Variants in CCDC171 observed in about 807,000 individuals in gnomAD.
The protein encoded by CCDC171 is coiled-coil domain containing 171, also known as coiled-coil domain-containing protein 171.
Under a neutral mutation model 168.2 loss-of-function variants are expected in CCDC171, and 177 were observed. The observed-to-expected ratio is 1.05, with a 90% confidence interval of 0.93 to 1.19. The LOEUF is 1.19. Among genes scored for constraint, CCDC171 ranks in the 50% most tolerant of loss-of-function variants. The pLI is 0.00. For synonymous variants in CCDC171, 687 were observed against 540.8 expected, an observed-to-expected ratio of 1.27 and a Z score of -3.75; for missense variants, 1,991 against 1,539.0, an observed-to-expected ratio of 1.29 and a Z score of -4.91.
intron 6 of CCDC171, among the ~76,000 whole-genome samples, chr9:15,596,609 G>A (rs1168807798): frequency 3.3e-5 from 5 of 152,008 alleles, no homozygotes; most frequent in African/African-American, 7.2e-5. Flanking sequence ...TTTGGCTTAG[G>A]ATTGACTTGG....
In CCDC171 at chr9:15,633,268, A is replaced by G. The variant is rs545006164; in HGVS notation, c.822+9855A>G. Among the ~76,000 whole-genome samples the G allele has an allele frequency of 1.4e-3, 213 of 152,260 alleles. 1 individual carries two copies. Among genetic ancestry groups the G allele is most frequent in the African/African-American group, 4.4e-3 (182 of 41,566 alleles). ...CAATGGGAGAAAAGTTTTGCAACCT[A>G]CTCATCTGACAAAGGGCTAATATCC... On this transcript the variant is annotated intron_variant, in intron 7 of 25. Coordinates refer to ENST00000380701, the MANE Select transcript of CCDC171 (RefSeq NM_173550.4).
chr9:15,602,845 A>G (rs921135804), intron 6 of CCDC171, among the ~76,000 whole-genome samples: 2 of 151,538 alleles, frequency 1.3e-5, no homozygotes, highest in African/African-American at 4.8e-5. Flanking sequence ...TTTAGTAGAG[A>G]CGGAGTTTTG....
At chr9:15,566,880 G>T (rs1444871020) in intron 2 of CCDC171, among the ~76,000 whole-genome samples, 1 of 152,138 alleles carries the variant, frequency 6.6e-6, no homozygotes, top group Non-Finnish European at 1.5e-5. Context: ...CTCTTTGCAT[G>T]TGCGTAGCCA....
At chr9:16,103,823 G>A in the CCDC171 span, among the ~76,000 whole-genome samples, 22 of 152,298 alleles carry the variant, frequency 1.4e-4, no homozygotes, top group African/African-American at 5.3e-4. Flanking sequence ...GGGCTTTGAC[G>A]CATGGACTCC....
chr9:15,952,964 A>G (rs1468652142), intron 25 of CCDC171, among the ~76,000 whole-genome samples: 2 of 152,030 alleles, frequency 1.3e-5, no homozygotes, highest in Non-Finnish European at 2.9e-5. Context: ...TTGTTTTTGT[A>G]ATTTGCTTTT....
intron 21 of CCDC171, among the ~76,000 whole-genome samples, chr9:15,837,148 A>G (rs1362345149): frequency 6.6e-6 from 1 of 152,116 alleles, no homozygotes; most frequent in African/African-American, 2.4e-5. Context: ...TCCGTGTATT[A>G]TGCTGTTTGT....
intron 7 of CCDC171, among the ~76,000 whole-genome samples, chr9:15,642,350 T>C (rs2046696651): frequency 2.9e-5 from 1 of 34,314 alleles, no homozygotes; most frequent in Non-Finnish European, 6.5e-5. Context: ...TGTGTATATA[T>C]ATATATATAT....
At chr9:15,559,616 C>G (rs570464123) in intron 1 of CCDC171, among the ~76,000 whole-genome samples, 2 of 152,214 alleles carry the variant, frequency 1.3e-5, no homozygotes, top group Admixed American at 1.3e-4. Context: ...TATTTTAAGC[C>G]TATGTGTGTC....
At chr9:15,834,613 T>C (rs1418280864) in intron 21 of CCDC171, among the ~76,000 whole-genome samples, 2 of 152,168 alleles carry the variant, frequency 1.3e-5, no homozygotes, top group Non-Finnish European at 2.9e-5. Flanking sequence ...TCTTATGGAG[T>C]GCTGGCGAGT....
chr9:15,754,151 T>C (rs2134921995), intron 18 of CCDC171, among the ~76,000 whole-genome samples: 1 of 152,282 alleles, frequency 6.6e-6, no homozygotes, highest in East Asian at 1.9e-4. Flanking sequence ...TATAAAACCA[T>C]AAGAGCTTAT....
the CCDC171 span, among the ~76,000 whole-genome samples, chr9:16,075,491 G>T: frequency 2.0e-5 from 3 of 152,104 alleles, no homozygotes; most frequent in Non-Finnish European, 2.9e-5. Context: ...TCTTTCTAGT[G>T]GTTGACTTCT....
chr9:16,005,668 G>A (rs2132964743), intron 3 of CCDC171, among the ~76,000 whole-genome samples: 1 of 152,252 alleles, frequency 6.6e-6, no homozygotes, highest in Admixed American at 6.5e-5. Context: ...CATTGAATTA[G>A]GTATTATAAG....
At chr9:15,658,957 T>C (rs528479186) in intron 8 of CCDC171, among the ~76,000 whole-genome samples, 105 of 152,198 alleles carry the variant, frequency 6.9e-4, no homozygotes, top group African/African-American at 2.2e-3. Flanking sequence ...AGGTAACTAA[T>C]TTGCAGTGTG....
chr9:16,012,358 C>T (rs1210794148), intron 3 of CCDC171, among the ~76,000 whole-genome samples: 1 of 152,090 alleles, frequency 6.6e-6, no homozygotes, highest in African/African-American at 2.4e-5. Context: ...CTAATGAACA[C>T]ATTGAACAAA....
chr9:15,902,893 C>T (rs1262790197), intron 24 of CCDC171, among the ~76,000 whole-genome samples: 1 of 152,214 alleles, frequency 6.6e-6, no homozygotes, highest in African/African-American at 2.4e-5. Context: ...ATATCCTGTG[C>T]CTGGCTCAGA....
chr9:15,711,092 G>A (rs917643419), intron 11 of CCDC171, among the ~76,000 whole-genome samples: 2 of 152,072 alleles, frequency 1.3e-5, no homozygotes, highest in African/African-American at 2.4e-5. Context: ...TGTTGTTCTA[G>A]TATAGTAGAC....
intron 10 of CCDC171, among the ~76,000 whole-genome samples, chr9:15,693,439 C>T (rs2050973246): frequency 6.7e-6 from 1 of 150,352 alleles, no homozygotes; most frequent in Non-Finnish European, 1.5e-5. Flanking sequence ...CTAGGTGTTG[C>T]CTAGGGGAAA....
intron 25 of CCDC171, among the ~76,000 whole-genome samples, chr9:15,961,365 CAT>C (rs1303270313): frequency 5.9e-5 from 9 of 152,250 alleles, no homozygotes; most frequent in East Asian, 3.9e-4. Context: ...GAGAGTGTGA[CAT>C]GTGTACATTT....
intron 21 of CCDC171, among the ~76,000 whole-genome samples, chr9:15,812,075 A>G (rs2059380258): frequency 6.6e-6 from 1 of 152,204 alleles, no homozygotes; most frequent in Non-Finnish European, 1.5e-5. Context: ...TGGTTTGAAC[A>G]AGGTATTAAA....
Sources: allele counts gnomAD v4.1 joint callset (sites outside exome capture counted in the v4.1 genomes callset), GRCh38; gene constraint gnomAD v4.1.1; transcripts MANE v1.5; gene names NCBI Gene and HGNC (gene_info 2026-07-23, HGNC 2026-07-21).